Variants in PEX13 observed in about 807,000 individuals in gnomAD.
PEX13 encodes peroxisomal biogenesis factor 13.
PEX13 carries 28 observed loss-of-function variants against 34.5 expected under a neutral mutation model. The observed-to-expected ratio is 0.81, with a 90% CI of 0.60 to 1.11. The LOEUF (loss-of-function observed/expected upper bound fraction) is 1.11. Among genes scored for constraint, PEX13 ranks in the 50% most tolerant of loss-of-function variants. The pLI, the probability that PEX13 is intolerant of heterozygous loss-of-function variation, is 0.00. For synonymous variants in PEX13, 177 were observed against 175.1 expected, an observed-to-expected ratio of 1.01 and a Z score of -0.09; for missense variants, 550 against 491.0, an observed-to-expected ratio of 1.12 and a Z score of -1.13.
intron 1 of PEX13, among the ~76,000 whole-genome samples, chr2:61,029,884 A>G (rs1054261909): frequency 6.6e-6 from 1 of 152,104 alleles, no homozygotes; most frequent in African/African-American, 2.4e-5. Context: ...ATTCCTTGTC[A>G]TTATTTCCTA....
chr2:61,039,623 T>A (rs1162558487), intron 2 of PEX13, among the ~76,000 whole-genome samples: 2 of 151,998 alleles, frequency 1.3e-5, no homozygotes, highest in Non-Finnish European at 2.9e-5. Context: ...AATGTAAGAC[T>A]TAACACCATA....
At chr2:61,021,509 C>T (rs561638451) in intron 1 of PEX13, among the ~76,000 whole-genome samples, 17 of 152,326 alleles carry the variant, frequency 1.1e-4, no homozygotes, top group South Asian at 8.3e-4. Flanking sequence ...GTAAACAGAG[C>T]GCCCAGGAAG....
At position 61,031,809 on chromosome 2, in the gene PEX13, A is replaced by G. The variant is rs1680455547; in HGVS notation, c.483A>G (p.Val161=). The change falls in exon 2 of 4, where the codon GTA becomes GTG. Residue 161 remains valine (V), a synonymous_variant. Coordinates refer to ENST00000295030, the MANE Select transcript of PEX13 (RefSeq NM_002618.4). ...CTGTCTATAACAGTTTCAGGGCTGT[A>G]TTGGATGTAGCAAATCACTTTTCCC... ...FSAVYNSFRA[V]LDVANHFSRL... 1 of 1,613,660 alleles carries G rather than the reference A, an allele frequency of 6.2e-7. No homozygotes were observed. Among genetic ancestry groups the G allele is most frequent in the Non-Finnish European group, 8.5e-7 (1 of 1,179,546 alleles).
intron 2 of PEX13, among the ~76,000 whole-genome samples, chr2:61,041,324 G>C (rs764510989): frequency 6.6e-6 from 1 of 152,004 alleles, no homozygotes; most frequent in African/African-American, 2.4e-5. Flanking sequence ...GCAAGACCCC[G>C]TCTCAAAATA....
At chr2:61,040,770 T>C (rs1017708453) in intron 2 of PEX13, among the ~76,000 whole-genome samples, 4 of 148,040 alleles carry the variant, frequency 2.7e-5, no homozygotes, top group Non-Finnish European at 5.9e-5. Flanking sequence ...TACATATATA[T>C]ATATACCTAT....
chr2:61,021,611 A>G (rs1680265393), intron 1 of PEX13, among the ~76,000 whole-genome samples: 1 of 152,252 alleles, frequency 6.6e-6, no homozygotes, highest in African/African-American at 2.4e-5. Context: ...AGCAAAAGGC[A>G]GCAGAAACTT....
At chr2:61,032,709 A>G (rs1330583079) in intron 2 of PEX13, among the ~76,000 whole-genome samples, 2 of 152,212 alleles carry the variant, frequency 1.3e-5, no homozygotes, top group African/African-American at 4.8e-5. Flanking sequence ...CTCAACTAGT[A>G]GAGAGTATTA....
At chr2:61,045,575 G>A (rs1187145424) in intron 2 of PEX13, 151 bp from the exon 3 acceptor site, 11 of 636,158 alleles carry the variant, frequency 1.7e-5, no homozygotes, top group Non-Finnish European at 3.1e-5. Flanking sequence ...TGGATCTATT[G>A]TTGATTTAAC....
chr2:61,040,144 G>A (rs1208085305), intron 2 of PEX13, among the ~76,000 whole-genome samples: 1 of 152,204 alleles, frequency 6.6e-6, no homozygotes, highest in Non-Finnish European at 1.5e-5. Flanking sequence ...TGGTGGGAGT[G>A]TAAATTAGTT....
chr2:61,018,088 GTC>G, intron 1 of PEX13: 1 of 1,521,754 alleles, frequency 6.6e-7, no homozygotes, highest in Non-Finnish European at 8.8e-7. Flanking sequence ...GCTCCTGGGC[GTC>G]TCTCTGGGTC....
At chr2:61,047,873 T>C (rs1253731627) in intron 3 of PEX13, among the ~76,000 whole-genome samples, 1 of 152,172 alleles carries the variant, frequency 6.6e-6, no homozygotes, top group Non-Finnish European at 1.5e-5. Flanking sequence ...CAATAGAAAA[T>C]TGAGTACATT....
chr2:61,037,638 A>G (rs904370166), intron 2 of PEX13, among the ~76,000 whole-genome samples: 1 of 152,208 alleles, frequency 6.6e-6, no homozygotes, highest in Non-Finnish European at 1.5e-5. Flanking sequence ...AATTTATAGC[A>G]CTAAATGCCC....
rs1680431422 is a variant in PEX13, at chr2:61,030,396, C to T, written c.93-1023C>T. Among the ~76,000 whole-genome samples, 3 of 152,160 alleles carry T rather than the reference C, an allele frequency of 2.0e-5. No homozygotes were observed. In the South Asian group the frequency reaches 6.2e-4, roughly 32 times the overall value. The stretch of plus-strand genomic sequence containing the variant: ...AAAGCAACACTCTGGTTTCTTATTT[C>T]AGCTCTCATGCTGTAAACAGTTGTC... On this transcript the variant is annotated intron_variant, in intron 1 of 3. Coordinates refer to ENST00000295030, the MANE Select transcript of PEX13 (RefSeq NM_002618.4).
At chr2:61,044,214 T>A (rs568193475) in intron 2 of PEX13, among the ~76,000 whole-genome samples, 4 of 152,122 alleles carry the variant, frequency 2.6e-5, no homozygotes, top group Non-Finnish European at 5.9e-5. Context: ...CCCAAAGTGC[T>A]GAGTGAGATT....
intron 1 of PEX13, chr2:61,019,173 T>C (rs1465933769): frequency 6.6e-6 from 1 of 152,174 alleles, no homozygotes. Flanking sequence ...ATATGCATTT[T>C]ATATCTAAAA....
intron 2 of PEX13, among the ~76,000 whole-genome samples, chr2:61,044,499 G>A (rs1283403809): frequency 6.6e-6 from 1 of 152,132 alleles, no homozygotes; most frequent in Admixed American, 6.5e-5. Flanking sequence ...AATTTCCCCT[G>A]TCTCAGCCTC....
Position 61,017,739 on chromosome 2 carries a change from A to C in PEX13, c.-21A>C. 6.5e-7 allele frequency: 1 copy of C among 1,544,916 alleles called. No individual in the cohort carries two copies. The highest frequency in any genetic ancestry group is 8.7e-7 in the Non-Finnish European group (1 of 1,143,252). ...CTGGACAGTCAGGGGTAGGAGCGGG[A>C]GCCGAGAGGAGGCGGAGGAGATGGC... On this transcript the variant is annotated 5_prime_UTR_variant, in exon 1 of 4. Transcript: ENST00000295030.
chr2:61,043,477 C>T (rs904146963), intron 2 of PEX13, among the ~76,000 whole-genome samples: 6 of 151,940 alleles, frequency 3.9e-5, no homozygotes, highest in Non-Finnish European at 7.4e-5. Context: ...AGAACATTTT[C>T]AAAGAAGGTG....
At position 61,027,937 on chromosome 2, in the gene PEX13, A is replaced by G. The variant is rs370766315; in HGVS notation, c.93-3482A>G. Among the ~76,000 whole-genome samples the G allele has an allele frequency of 2.0e-3, 301 of 152,340 alleles. 13 individuals are homozygous for G. In the South Asian group the frequency reaches 0.059, roughly 30 times the overall value. Reference sequence around the variant, plus strand: ...AATAGAGTTCTAGTAGCTTGTTTATAATATTACGATACAAGTCTAAATTAA... The same window carrying G: ...AATAGAGTTCTAGTAGCTTGTTTATGATATTACGATACAAGTCTAAATTAA... On this transcript the variant is annotated intron_variant, in intron 1 of 3. Transcript: ENST00000295030.
Sources: gnomAD v4.1 joint callset for allele counts (sites outside exome capture counted in the v4.1 genomes callset) on GRCh38, gnomAD v4.1.1 for gene constraint, MANE v1.5 for transcripts, NCBI Gene and HGNC (gene_info 2026-07-23, HGNC 2026-07-21) for gene names.